The following ADGRL3 variants were observed in gnomAD, a reference collection of about 807,000 sequenced individuals.
The protein encoded by ADGRL3 is adhesion G protein-coupled receptor L3, also known as calcium-independent alpha-latrotoxin receptor 3.
In ADGRL3, 62 loss-of-function variants were observed where a neutral mutation model predicts 153.5. The ratio of observed to expected loss-of-function variants is 0.40; its 90% CI spans 0.33 to 0.50. ADGRL3 has a LOEUF of 0.50. ADGRL3 is among the 20% of genes least tolerant of loss of function. ADGRL3 has a pLI of 0.47. For missense variants in ADGRL3, 1,641 were observed against 1,859.4 expected, an observed-to-expected ratio of 0.88 and a Z score of 2.16; for synonymous variants, 710 against 672.5, an observed-to-expected ratio of 1.06 and a Z score of -0.86.
At chr4:61,372,624 C>A (rs2096549115) in intron 1 of ADGRL3, among the ~76,000 whole-genome samples, 1 of 152,160 alleles carries the variant, frequency 6.6e-6, no homozygotes, top group African/African-American at 2.4e-5. Context: ...AACCACTGCT[C>A]TCTTCAAAGC....
intron 8 of ADGRL3, among the ~76,000 whole-genome samples, chr4:61,776,091 G>A (rs1266489392): frequency 4.0e-5 from 6 of 151,880 alleles, no homozygotes; most frequent in Admixed American, 6.6e-5. Context: ...TAGTAGAGAC[G>A]GGGTTTCACT....
chr4:61,402,064 T>C (rs2096935722), intron 2 of ADGRL3, among the ~76,000 whole-genome samples: 1 of 152,140 alleles, frequency 6.6e-6, no homozygotes, highest in African/African-American at 2.4e-5. Flanking sequence ...TAATAGGTGC[T>C]GAAATTTGAG....
chr4:61,844,528 C>G (rs886681081), intron 9 of ADGRL3, among the ~76,000 whole-genome samples: 5 of 82,434 alleles, frequency 6.1e-5, no homozygotes, highest in African/African-American at 2.4e-4. Context: ...GCCTGGGTGA[C>G]AAAGCGAGAC....
intron 4 of ADGRL3, among the ~76,000 whole-genome samples, chr4:61,558,143 G>GTA (rs374844759): frequency 0.023 from 2,783 of 119,284 alleles, 90 homozygotes; most frequent in East Asian, 0.14. Flanking sequence ...ATATATATAT[G>GTA]TATATATATA....
Position 61,357,206 on chromosome 4 carries a change from T to C in ADGRL3, c.-239-25918T>C, listed in dbSNP as rs151192463. ...GATTTTACAGTATGAATGTACTAAA[T>C]TAATTGCTTGTTAATGATTAATATA... is the stretch of plus-strand genomic sequence containing the variant. On this transcript the variant is annotated intron_variant, in intron 1 of 26. Transcript: ENST00000683033. 1.6e-4 allele frequency among the ~76,000 whole-genome samples: 24 copies of C among 152,256 alleles called. No individual in the cohort carries two copies. In the East Asian group the frequency reaches 4.4e-3, roughly 28 times the overall value.
intron 23 of ADGRL3, among the ~76,000 whole-genome samples, chr4:62,032,266 G>A (rs1032169249): frequency 2.0e-5 from 3 of 151,068 alleles, no homozygotes; most frequent in African/African-American, 7.3e-5. Flanking sequence ...CATTTGTAAG[G>A]ACATAATATA....
At chr4:61,926,340 A>G (rs1373602561) in intron 13 of ADGRL3, among the ~76,000 whole-genome samples, 1 of 152,176 alleles carries the variant, frequency 6.6e-6, no homozygotes, top group Non-Finnish European at 1.5e-5. Flanking sequence ...TTTTATACCC[A>G]CTACCTTTAC....
chr4:61,455,082 G>A (rs150644861), intron 2 of ADGRL3, among the ~76,000 whole-genome samples: 69 of 152,254 alleles, frequency 4.5e-4, no homozygotes, highest in African/African-American at 1.6e-3. Context: ...TTCTTAGTTG[G>A]CTTTCCCTTT....
At chr4:61,904,411 A>C (rs2098685634) in intron 11 of ADGRL3, among the ~76,000 whole-genome samples, 1 of 152,116 alleles carries the variant, frequency 6.6e-6, no homozygotes, top group Admixed American at 6.6e-5. Flanking sequence ...AGGCTCCCAA[A>C]GTGTTAGGAT....
intron 1 of ADGRL3, among the ~76,000 whole-genome samples, chr4:61,223,054 AG>A (rs1195369546): frequency 7.9e-5 from 12 of 152,302 alleles, no homozygotes; most frequent in Admixed American, 7.2e-4. Context: ...TGAAGATTGA[AG>A]GCATAACTTT....
At chr4:61,543,462 C>T (rs1453373067) in intron 4 of ADGRL3, among the ~76,000 whole-genome samples, 1 of 152,176 alleles carries the variant, frequency 6.6e-6, no homozygotes, top group East Asian at 1.9e-4. Flanking sequence ...GGAACATAGC[C>T]TTCCTGACTG....
chr4:61,422,589 T>A (rs1157016798), intron 2 of ADGRL3, among the ~76,000 whole-genome samples: 1 of 152,136 alleles, frequency 6.6e-6, no homozygotes, highest in Non-Finnish European at 1.5e-5. Flanking sequence ...TGGTCCAACA[T>A]ATCTTCCTAA....
intron 19 of ADGRL3, among the ~76,000 whole-genome samples, chr4:61,994,657 A>T (rs2151019494): frequency 6.6e-6 from 1 of 152,184 alleles, no homozygotes; most frequent in Non-Finnish European, 1.5e-5. Context: ...GTAATTACTA[A>T]CCTAAAACAT....
At chr4:61,566,770 C>T (rs1437964852) in intron 4 of ADGRL3, among the ~76,000 whole-genome samples, 1 of 152,022 alleles carries the variant, frequency 6.6e-6, no homozygotes. Context: ...AATTTGTACA[C>T]ATTTACTATT....
intron 6 of ADGRL3, among the ~76,000 whole-genome samples, chr4:61,691,668 C>T (rs556820603): frequency 9.2e-5 from 14 of 152,178 alleles, no homozygotes; most frequent in African/African-American, 2.4e-4. Context: ...CTATCTAATA[C>T]GGATATTTAG....
At position 61,312,304 on chromosome 4, in the gene ADGRL3, G is replaced by C. The variant is rs2095045270; in HGVS notation, c.-239-70820G>C. Reference sequence around the variant, plus strand: ...GTGGATCAAGACCTAAATGTAAAGTGAAAAACTATACATATCCTAGAAAAT... The same window carrying C: ...GTGGATCAAGACCTAAATGTAAAGTCAAAAACTATACATATCCTAGAAAAT... On this transcript the variant is annotated intron_variant, in intron 1 of 26. Transcript: ENST00000683033. Among the ~76,000 whole-genome samples, 5 of 152,204 alleles carry C rather than the reference G, an allele frequency of 3.3e-5. No homozygotes were observed. The South Asian group carries it at 1.0e-3, about 32-fold the overall frequency.
At chr4:62,032,749 C>T (rs1722808279) in intron 23 of ADGRL3, among the ~76,000 whole-genome samples, 1 of 151,236 alleles carries the variant, frequency 6.6e-6, no homozygotes, top group Admixed American at 6.6e-5. Flanking sequence ...TGAAGATGGA[C>T]AAACATAAAA....
intron 17 of ADGRL3, among the ~76,000 whole-genome samples, chr4:61,970,530 A>G (rs577783871): frequency 2.0e-4 from 30 of 152,144 alleles, no homozygotes; most frequent in Admixed American, 5.2e-4. Context: ...TGTGCTAAGC[A>G]TAATAAGTAT....
chr4:61,271,957 A>C lies in ADGRL3; in HGVS notation c.-240+70192A>C, dbSNP rs1173503242. Among the ~76,000 whole-genome samples, 4 of 152,044 alleles carry C rather than the reference A, an allele frequency of 2.6e-5. No homozygotes were observed. The South Asian group carries it at 8.3e-4, about 31-fold the overall frequency. On this transcript the variant is annotated intron_variant, in intron 1 of 26. Coordinates refer to ENST00000683033, the MANE Select transcript of ADGRL3 (RefSeq NM_001387552.1). ...AAGAGGAAGGAAAATGTAGTTCTTT[A>C]ACAAAGATCTTTTCAGTATATGTTA...
Sources: allele counts gnomAD v4.1 joint callset (sites outside exome capture counted in the v4.1 genomes callset), GRCh38; gene constraint gnomAD v4.1.1; transcripts MANE v1.5; gene names NCBI Gene and HGNC (gene_info 2026-07-23, HGNC 2026-07-21).